Variants in CARMIL1 observed in about 807,000 individuals in gnomAD.
The protein encoded by CARMIL1 is capping protein regulator and myosin 1 linker 1, also known as F-actin-uncapping protein LRRC16A.
Under a neutral mutation model 177.1 loss-of-function variants are expected in CARMIL1, and 90 were observed. The ratio of observed to expected loss-of-function variants is 0.51; its 90% CI spans 0.43 to 0.61. The LOEUF (loss-of-function observed/expected upper bound fraction) is 0.61, where lower values mean the gene tolerates loss of function less well. Among genes scored for constraint, CARMIL1 ranks in the 20% least tolerant of loss-of-function variants. CARMIL1 has a pLI of 0.00. For synonymous variants in CARMIL1, 577 were observed against 606.2 expected (o/e 0.95, Z 0.71); for missense variants, 1,380 against 1,667.0 (o/e 0.83, Z 3.00).
chr6:25,603,230 C>A (rs538920657), intron 33 of CARMIL1, among the ~76,000 whole-genome samples: 1 of 152,340 alleles, frequency 6.6e-6, no homozygotes, highest in South Asian at 2.1e-4. Context: ...CCAGCCCTGT[C>A]CTGCAGACAC....
intron 29 of CARMIL1, among the ~76,000 whole-genome samples, chr6:25,562,918 A>G (rs1213701914): frequency 1.3e-5 from 2 of 152,248 alleles, no homozygotes; most frequent in Admixed American, 1.3e-4. Flanking sequence ...ATCATTATAA[A>G]AGGTAATTTT....
intron 8 of CARMIL1, among the ~76,000 whole-genome samples, chr6:25,453,092 G>A (rs1267027188): frequency 6.6e-6 from 1 of 151,956 alleles, no homozygotes; most frequent in Non-Finnish European, 1.5e-5. Context: ...TCTTCCTCTT[G>A]TATAATAGCA....
intron 2 of CARMIL1, among the ~76,000 whole-genome samples, chr6:25,286,289 G>A (rs183828063): frequency 6.6e-6 from 1 of 152,352 alleles, no homozygotes; most frequent in Non-Finnish European, 1.5e-5. Context: ...TCCAGGATAT[G>A]TGATTGTCTT....
At chr6:25,407,564 A>G (rs1295466458) in intron 2 of CARMIL1, among the ~76,000 whole-genome samples, 2 of 152,096 alleles carry the variant, frequency 1.3e-5, no homozygotes, top group Non-Finnish European at 2.9e-5. Flanking sequence ...TCCCAGATGA[A>G]GGGAACGGAA....
At chr6:25,493,308 A>G (rs1803403411) in intron 15 of CARMIL1, among the ~76,000 whole-genome samples, 1 of 152,220 alleles carries the variant, frequency 6.6e-6, no homozygotes, top group Non-Finnish European at 1.5e-5. Context: ...TTACCTAGAT[A>G]TAGTTGTAGA....
intron 2 of CARMIL1, among the ~76,000 whole-genome samples, chr6:25,400,079 C>T (rs1350075822): frequency 1.3e-5 from 2 of 152,190 alleles, no homozygotes; most frequent in African/African-American, 4.8e-5. Context: ...GTACCATTCA[C>T]CTTACAATTA....
chr6:25,348,612 T>C (rs560503303), intron 2 of CARMIL1, among the ~76,000 whole-genome samples: 3 of 151,448 alleles, frequency 2.0e-5, no homozygotes, highest in Non-Finnish European at 4.4e-5. Flanking sequence ...TGAAACCCCA[T>C]CTCTACTAAA....
rs1308913566 is a variant in CARMIL1, at chr6:25,577,084, C to A, written c.2743-3840C>A. The A allele has an allele frequency of 2.0e-6, 2 of 985,318 alleles. No homozygotes were observed. The highest frequency in any genetic ancestry group is 2.3e-4 in the East Asian group (2 of 8,808). The allele number at this position is 985,318 out of a possible 1,614,324, so 61.0% of individuals were successfully genotyped here. On this transcript the variant is annotated intron_variant, in intron 29 of 36. Transcript: ENST00000329474. The surrounding 1 kb of genome is among the most constrained non-coding windows in gnomAD (Gnocchi z 4.5). ...CTTCTGTGCTGCCTGGCTGGTCTCCCAGGAGACTGTAGTGTTGTCATCCAT... is the reference window on the plus strand; with the variant it reads ...CTTCTGTGCTGCCTGGCTGGTCTCCAAGGAGACTGTAGTGTTGTCATCCAT...
chr6:25,611,541 C>T (rs1244105124), intron 36 of CARMIL1, among the ~76,000 whole-genome samples: 1 of 152,108 alleles, frequency 6.6e-6, no homozygotes, highest in Non-Finnish European at 1.5e-5. Context: ...GACTTTACAT[C>T]TTTACTTTTA....
chr6:25,558,962 A>C lies in CARMIL1; in HGVS notation c.2742+2112A>C, dbSNP rs190485481. 6.6e-6 allele frequency among the ~76,000 whole-genome samples: 1 copy of C among 152,334 alleles called. No individual in the cohort carries two copies. Among genetic ancestry groups the C allele is most frequent in the East Asian group, 1.9e-4 (1 of 5,188 alleles). ...AGGCTAATAAGTTGTTAAGTAGTAGAAAACCAGAGTTAAATTTGCTGTTAG... is the reference window on the plus strand; with the variant it reads ...AGGCTAATAAGTTGTTAAGTAGTAGCAAACCAGAGTTAAATTTGCTGTTAG... On this transcript the variant is annotated intron_variant, in intron 29 of 36. Transcript: ENST00000329474. The surrounding 1 kb of genome is among the most constrained non-coding windows in gnomAD (Gnocchi z 4.1).
intron 2 of CARMIL1, among the ~76,000 whole-genome samples, chr6:25,318,616 C>T (rs182134150): frequency 6.6e-5 from 10 of 152,242 alleles, no homozygotes; most frequent in East Asian, 1.9e-4. Context: ...AGAGGAGAGG[C>T]GGGCTGAACT....
chr6:25,290,058 CT>C (rs1262620493), intron 2 of CARMIL1, among the ~76,000 whole-genome samples: 4 of 152,118 alleles, frequency 2.6e-5, no homozygotes, highest in Admixed American at 2.6e-4. Context: ...TATGAGTGGT[CT>C]AGTTTCTCTA....
At chr6:25,602,883 T>A (rs1815577823) in intron 33 of CARMIL1, among the ~76,000 whole-genome samples, 1 of 152,200 alleles carries the variant, frequency 6.6e-6, no homozygotes, top group South Asian at 2.1e-4. Flanking sequence ...AGTATGAAGA[T>A]ATGACACTTT....
intron 29 of CARMIL1, among the ~76,000 whole-genome samples, chr6:25,559,149 T>A (rs1183813565): frequency 6.6e-6 from 1 of 152,116 alleles, no homozygotes; most frequent in Non-Finnish European, 1.5e-5. Context: ...CAAGGATCCC[T>A]CTCCTAAAGG....
At chr6:25,371,668 T>C (rs1224210564) in intron 2 of CARMIL1, among the ~76,000 whole-genome samples, 1 of 152,250 alleles carries the variant, frequency 6.6e-6, no homozygotes, top group Non-Finnish European at 1.5e-5. Context: ...ATTAGTTCTT[T>C]GTAGGATGCA....
intron 2 of CARMIL1, among the ~76,000 whole-genome samples, chr6:25,311,592 G>C (rs1181777993): frequency 6.6e-6 from 1 of 152,224 alleles, no homozygotes; most frequent in South Asian, 2.1e-4. Context: ...TTAAGCCCCA[G>C]TTCCCACCCC....
intron 1 of CARMIL1, 65 bp downstream of exon 1, chr6:25,279,900 C>A: frequency 6.5e-7 from 1 of 1,547,866 alleles, no homozygotes; most frequent in Non-Finnish European, 8.9e-7. Context: ...TCTCTCCCTT[C>A]CCACCTCTGC....
At chr6:25,533,335 C>T (rs1283155723) in intron 24 of CARMIL1, among the ~76,000 whole-genome samples, 4 of 152,138 alleles carry the variant, frequency 2.6e-5, no homozygotes, top group Admixed American at 1.3e-4. Flanking sequence ...AGTCAGATGA[C>T]CCCAGATGTA....
intron 5 of CARMIL1, among the ~76,000 whole-genome samples, chr6:25,446,811 C>T (rs1798279524): frequency 1.3e-5 from 2 of 152,104 alleles, no homozygotes; most frequent in South Asian, 2.1e-4. Context: ...TTTACTTGAA[C>T]ACTTAGAGGC....
Sources: gnomAD v4.1 joint callset for allele counts (sites outside exome capture counted in the v4.1 genomes callset) on GRCh38, gnomAD v4.1.1 for gene constraint, Gnocchi (gnomAD v3.1) non-coding constraint, MANE v1.5 for transcripts, NCBI Gene and HGNC (gene_info 2026-07-23, HGNC 2026-07-21) for gene names.